The following TBL1XR1 variants were observed in gnomAD, a reference collection of about 807,000 sequenced individuals.
TBL1XR1 encodes F-box-like/WD repeat-containing protein TBL1XR1.
TBL1XR1 carries 5 observed loss-of-function variants against 66.9 expected under a neutral mutation model. The ratio of observed to expected loss-of-function variants is 0.07; its 90% CI spans 0.04 to 0.16. The LOEUF (loss-of-function observed/expected upper bound fraction) is 0.16, where lower values mean the gene tolerates loss of function less well. Ranked by LOEUF, TBL1XR1 falls within the 10% of genes least tolerant of loss-of-function variation. The pLI is 1.00. For missense variants in TBL1XR1, 238 were observed against 623.2 expected, an observed-to-expected ratio of 0.38 and a Z score of 6.58; for synonymous variants, 210 against 206.0, an observed-to-expected ratio of 1.02 and a Z score of -0.17.
At chr3:177,108,235 A>G (rs1389133059) in intron 1 of TBL1XR1, among the ~76,000 whole-genome samples, 1 of 152,160 alleles carries the variant, frequency 6.6e-6, no homozygotes, top group African/African-American at 2.4e-5. Context: ...AAAATATATA[A>G]CCATTCTATG....
upstream of TBL1XR1, among the ~76,000 whole-genome samples, chr3:177,197,913 C>T (rs1452382159): frequency 2.0e-5 from 3 of 148,090 alleles, no homozygotes; most frequent in Non-Finnish European, 4.5e-5. Flanking sequence ...GGGCCCGAGA[C>T]GGGTGGGGGC....
chr3:177,201,377 C>T (rs1737336896), upstream of TBL1XR1, among the ~76,000 whole-genome samples: 1 of 141,568 alleles, frequency 7.1e-6, no homozygotes, highest in African/African-American at 2.7e-5. Context: ...TGCCATTGCA[C>T]TCCAGCCTGG....
At chr3:177,052,088 G>C (rs1047138414) in intron 4 of TBL1XR1, among the ~76,000 whole-genome samples, 1 of 152,204 alleles carries the variant, frequency 6.6e-6, no homozygotes, top group East Asian at 1.9e-4. Flanking sequence ...TTCATATAAT[G>C]ATCAGAGGCC....
chr3:177,200,725 G>C (rs974939748), upstream of TBL1XR1, among the ~76,000 whole-genome samples: 1 of 152,188 alleles, frequency 6.6e-6, no homozygotes, highest in African/African-American at 2.4e-5. Context: ...TAAGTTCTCC[G>C]CTGGGTGTGG....
intron 1 of TBL1XR1, among the ~76,000 whole-genome samples, chr3:177,151,624 C>A (rs562718262): frequency 1.3e-5 from 2 of 152,174 alleles, no homozygotes; most frequent in Admixed American, 6.5e-5. Context: ...CTGGTTTACA[C>A]AATAAAATGA....
chr3:177,097,992 C>G (rs114465844), intron 2 of TBL1XR1, among the ~76,000 whole-genome samples: 1 of 152,046 alleles, frequency 6.6e-6, no homozygotes, highest in Non-Finnish European at 1.5e-5. Context: ...GGATCACCTG[C>G]GGTCAGGGGT....
At position 177,051,734 on chromosome 3, in the gene TBL1XR1, T is replaced by A; in HGVS notation, c.205-8A>T. The A allele has an allele frequency of 6.5e-7, 1 of 1,529,132 alleles. No homozygotes were observed. Among genetic ancestry groups the A allele is most frequent in the Non-Finnish European group, 8.8e-7 (1 of 1,133,340 alleles). The allele number at this position is 1,529,132 out of a possible 1,614,324, so 94.7% of individuals were successfully genotyped here. A position where few individuals can be genotyped will look rare whatever the true frequency, so the allele number is the denominator to read the frequency against. ...ATCAAACAAGGTACCATCCTGGATT[T>A]GGAAAATTGTGAGAGAAGAAAAATC... On this transcript the variant is annotated splice_polypyrimidine_tract_variant and splice_region_variant and intron_variant, in intron 4 of 15. Coordinates refer to ENST00000457928, the MANE Select transcript of TBL1XR1 (RefSeq NM_024665.7).
chr3:177,094,975 A>G (rs546438677), intron 2 of TBL1XR1, among the ~76,000 whole-genome samples: 4 of 152,164 alleles, frequency 2.6e-5, no homozygotes, highest in Admixed American at 6.5e-5. Context: ...ACTGAAATAA[A>G]AAAAGAATAA....
chr3:177,160,100 A>G lies in TBL1XR1; in HGVS notation c.-122+37021T>C, dbSNP rs546315678. ...GAGCAAGAGGGAACAAAATAATAGT[A>G]CTTTCTCAAGAAGCTCAAATAACAA... On this transcript the variant is annotated intron_variant, in intron 1 of 15. Transcript: ENST00000457928. Among the ~76,000 whole-genome samples the G allele has an allele frequency of 2.8e-4, 43 of 152,288 alleles. No homozygotes were observed. The South Asian group carries it at 8.9e-3, about 32-fold the overall frequency.
At chr3:177,042,992 ATAT>A (rs1215223187) in intron 10 of TBL1XR1, among the ~76,000 whole-genome samples, 2 of 152,162 alleles carry the variant, frequency 1.3e-5, no homozygotes, top group Non-Finnish European at 2.9e-5. Context: ...GGATTTCAGT[ATAT>A]TATTAACTTA....
chr3:177,164,945 T>C (rs891381593), intron 1 of TBL1XR1, among the ~76,000 whole-genome samples: 8 of 152,214 alleles, frequency 5.3e-5, no homozygotes, highest in Non-Finnish European at 1.0e-4. Flanking sequence ...ATGTTCGAGT[T>C]TGTTGAAGTT....
chr3:177,033,556 T>C (rs1714308575), intron 13 of TBL1XR1, among the ~76,000 whole-genome samples: 1 of 152,116 alleles, frequency 6.6e-6, no homozygotes, highest in Non-Finnish European at 1.5e-5. Context: ...TATGCCTCAA[T>C]TGCTTGGATT....
Position 177,156,518 on chromosome 3 carries a change from TACACACACACAC to T in TBL1XR1, c.-122+40591_-122+40602del, listed in dbSNP as rs35566193. ...AAAAAAAAAAAATTATATATATACA[TACACACACACAC>T]ACACACACACACACACACTTATATA... On this transcript the variant is annotated intron_variant, in intron 1 of 15. Transcript: ENST00000457928. 1.3e-3 allele frequency among the ~76,000 whole-genome samples: 182 copies of T among 139,736 alleles called. 1 individual carries two copies. The East Asian group carries it at 0.016, about 12-fold the overall frequency. 91.7% of individuals were successfully genotyped at this position (139,736 alleles called of 152,430 possible).
chr3:177,112,896 G>T (rs184968321), intron 1 of TBL1XR1, among the ~76,000 whole-genome samples: 1 of 152,074 alleles, frequency 6.6e-6, no homozygotes, highest in Non-Finnish European at 1.5e-5. Context: ...GCAGCTACTC[G>T]GGAGGCTGAG....
At chr3:177,137,429 G>A (rs985033767) in intron 1 of TBL1XR1, among the ~76,000 whole-genome samples, 2 of 152,206 alleles carry the variant, frequency 1.3e-5, no homozygotes, top group African/African-American at 4.8e-5. Flanking sequence ...CCATGAGGTT[G>A]AGGCAGTGAG....
At chr3:177,030,274 T>C (rs1165086167) in intron 14 of TBL1XR1, among the ~76,000 whole-genome samples, 1 of 151,746 alleles carries the variant, frequency 6.6e-6, no homozygotes, top group Non-Finnish European at 1.5e-5. Context: ...TGAAAATTAA[T>C]ATATTCATAT....
chr3:177,105,028 G>T (rs1252714874), intron 1 of TBL1XR1, among the ~76,000 whole-genome samples: 1 of 152,162 alleles, frequency 6.6e-6, no homozygotes, highest in African/African-American at 2.4e-5. Context: ...AGGCACTAAC[G>T]CCTATGCATC....
At chr3:177,065,848 G>T (rs1294001760) in intron 2 of TBL1XR1, among the ~76,000 whole-genome samples, 1 of 152,156 alleles carries the variant, frequency 6.6e-6, no homozygotes, top group Non-Finnish European at 1.5e-5. Context: ...GTAAACAAAC[G>T]AGTGTGGCTG....
chr3:177,026,355 A>T lies in TBL1XR1; in HGVS notation c.1518+18T>A. ...ATACCCACCCACACCCTCTTTGGAA[A>T]CACTTTACTATACTTACTGAACCAT... On this transcript the variant is annotated intron_variant, in intron 15 of 15. Transcript: ENST00000457928. 6.2e-7 allele frequency: 1 copy of T among 1,602,136 alleles called. No individual in the cohort carries two copies. The highest frequency in any genetic ancestry group is 8.5e-7 in the Non-Finnish European group (1 of 1,171,442).
Sources: allele counts gnomAD v4.1 joint callset (sites outside exome capture counted in the v4.1 genomes callset), GRCh38; gene constraint gnomAD v4.1.1; transcripts MANE v1.5; gene names NCBI Gene and HGNC (gene_info 2026-07-23, HGNC 2026-07-21).